Variants in PARD3 observed in about 807,000 individuals in gnomAD.
PARD3 encodes the protein par-3 family cell polarity regulator.
Under a neutral mutation model 155.4 loss-of-function variants are expected in PARD3, and 75 were observed. The observed-to-expected ratio is 0.48, with a 90% CI of 0.40 to 0.58. PARD3 has a LOEUF of 0.58. Ranked by LOEUF, PARD3 falls within the 20% of genes least tolerant of loss-of-function variation. The probability of loss-of-function intolerance (pLI) is 0.00; values close to 1 mark genes in which losing one functional copy is unlikely to be tolerated. For missense variants in PARD3, 1,642 were observed against 1,721.7 expected, an observed-to-expected ratio of 0.95 and a Z score of 0.82; for synonymous variants, 576 against 610.5, an observed-to-expected ratio of 0.94 and a Z score of 0.83.
intron 1 of PARD3, among the ~76,000 whole-genome samples, chr10:34,788,439 T>A (rs941277642): frequency 4.9e-5 from 7 of 143,922 alleles, no homozygotes; most frequent in Middle Eastern, 3.5e-3. Flanking sequence ...GGCCAAGCTC[T>A]AGGTCCAGTT....
chr10:34,151,442 C>G (rs1041896291), intron 22 of PARD3, among the ~76,000 whole-genome samples: 1 of 151,992 alleles, frequency 6.6e-6, no homozygotes, highest in African/African-American at 2.4e-5. Flanking sequence ...TATTTTACAA[C>G]AGTTGTAATA....
chr10:34,276,555 A>G (rs1218909679), intron 21 of PARD3, among the ~76,000 whole-genome samples: 1 of 152,202 alleles, frequency 6.6e-6, no homozygotes, highest in East Asian at 1.9e-4. Flanking sequence ...TTTACAATAA[A>G]TGGCTTTTAG....
chr10:34,328,387 G>A (rs1034105276), intron 19 of PARD3, among the ~76,000 whole-genome samples: 1 of 152,112 alleles, frequency 6.6e-6, no homozygotes, highest in African/African-American at 2.4e-5. Context: ...CAGTGAGGGG[G>A]TACATAGAAT....
chr10:34,234,663 A>C lies in PARD3; in HGVS notation c.3419+34994T>G, dbSNP rs529535169. ...ATGCTCTTATCATAATGTATTACAA[A>C]ATATTTATTCATTTATTTTATTTTT... On this transcript the variant is annotated intron_variant, in intron 22 of 24. Transcript: ENST00000374788. Among the ~76,000 whole-genome samples the C allele has an allele frequency of 3.3e-5, 5 of 152,250 alleles. No individual in the cohort carries two copies. In the East Asian group the frequency reaches 9.6e-4, roughly 29 times the overall value.
chr10:34,611,192 C>G (rs1334884627), intron 2 of PARD3, among the ~76,000 whole-genome samples: 1 of 152,060 alleles, frequency 6.6e-6, no homozygotes, highest in Non-Finnish European at 1.5e-5. Context: ...CTTCAGTGCT[C>G]GGATAAAGGA....
In PARD3 at chr10:34,464,372, C is replaced by T. The variant is rs573620952; in HGVS notation, c.582+5713G>A. 5.3e-5 allele frequency among the ~76,000 whole-genome samples: 8 copies of T among 152,200 alleles called. No homozygotes were observed. In the East Asian group the frequency reaches 1.5e-3, roughly 29 times the overall value. ...CACCACCCTCAAGCCTCACTCCTATCCTATTTATCTAGGACTTCTCAGAGC... is the reference window on the plus strand; with the variant it reads ...CACCACCCTCAAGCCTCACTCCTATTCTATTTATCTAGGACTTCTCAGAGC... On this transcript the variant is annotated intron_variant, in intron 4 of 24. Coordinates refer to ENST00000374788, the MANE Select transcript of PARD3 (RefSeq NM_001184785.2).
chr10:34,792,997 G>A (rs1413413356), intron 1 of PARD3, among the ~76,000 whole-genome samples: 1 of 152,204 alleles, frequency 6.6e-6, no homozygotes, highest in Non-Finnish European at 1.5e-5. Flanking sequence ...GTTGTGGGTG[G>A]AGAATCCGCA....
rs540552078 is a variant in PARD3, at chr10:34,443,977, G to A, written c.714+6340C>T. Among the ~76,000 whole-genome samples the A allele has an allele frequency of 6.6e-5, 10 of 152,228 alleles. No homozygotes were observed. The South Asian group carries it at 1.9e-3, about 28-fold the overall frequency. On this transcript the variant is annotated intron_variant, in intron 5 of 24. Coordinates refer to ENST00000374788, the MANE Select transcript of PARD3 (RefSeq NM_001184785.2). ...AAAATGACGTAGACATCGGCATTTT[G>A]TCTTCATCAACAAACATTTAAGTCA...
In PARD3 at chr10:34,272,489, G is replaced by A. The variant is rs1447629837; in HGVS notation, c.3177-2590C>T. Among the ~76,000 whole-genome samples the A allele has an allele frequency of 2.0e-5, 3 of 152,118 alleles. No homozygotes were observed. The East Asian group carries it at 5.8e-4, about 29-fold the overall frequency. On this transcript the variant is annotated intron_variant, in intron 21 of 24. Transcript: ENST00000374788. ...TCATACCTGTAATCCCAGCACTTTA[G>A]GAGGCTGATGGGGGCGTGCTGCTTG...
intron 16 of PARD3, among the ~76,000 whole-genome samples, chr10:34,341,355 A>C (rs1836810881): frequency 6.6e-6 from 1 of 152,228 alleles, no homozygotes; most frequent in African/African-American, 2.4e-5. Context: ...TAAATCATAA[A>C]GTGAAAGTGA....
intron 24 of PARD3, 108 bp downstream of exon 24, chr10:34,119,505 G>C: frequency 8.7e-7 from 1 of 1,150,232 alleles, no homozygotes; most frequent in Non-Finnish European, 1.2e-6. Flanking sequence ...GTTGCTACCA[G>C]GGGCAAGCTG....
In PARD3 at chr10:34,562,929, G is replaced by A. The variant is rs879912066; in HGVS notation, c.223-45770C>T. 4.6e-5 allele frequency among the ~76,000 whole-genome samples: 7 copies of A among 151,812 alleles called. No homozygotes were observed. In the East Asian group the frequency reaches 7.8e-4, roughly 17 times the overall value. ...TGGGACTACAGGCATGTGTCACCAC[G>A]CCTGGCTAATTTTTATATTTTGTAG... On this transcript the variant is annotated intron_variant, in intron 2 of 24. Transcript: ENST00000374788.
intron 2 of PARD3, among the ~76,000 whole-genome samples, chr10:34,575,458 A>G (rs1259685871): frequency 1.3e-5 from 2 of 152,164 alleles, no homozygotes; most frequent in Admixed American, 6.5e-5. Context: ...TTTGGCTCCT[A>G]TCTCCTATTT....
intron 3 of PARD3, among the ~76,000 whole-genome samples, chr10:34,483,504 G>A (rs1445199211): frequency 1.0e-4 from 13 of 130,422 alleles, no homozygotes; most frequent in African/African-American, 5.4e-4. Context: ...AAAAAAGAGA[G>A]AGAAAAAAAA....
chr10:34,111,541 G>A lies in PARD3; in HGVS notation c.3690C>T (p.Ser1230=), dbSNP rs767485414. 2 of 1,596,692 alleles carry A rather than the reference G, an allele frequency of 1.3e-6. No homozygotes were observed. Among genetic ancestry groups the A allele is most frequent in the Non-Finnish European group, 1.7e-6 (2 of 1,168,146 alleles). The change falls in exon 25 of 25, where the codon AGC becomes AGT. Residue 1230 remains serine (S), a synonymous_variant. Transcript: ENST00000374788. ...GCTCCCAAGAGTCCTGGGAGACCGA[G>A]CTGGCATTTTTCCTGCTTTGCCTAG... ...SLPRQSRKNA[S]SVSQDSWEQN...
At chr10:34,431,904 T>C (rs2075936128) in intron 5 of PARD3, among the ~76,000 whole-genome samples, 1 of 150,246 alleles carries the variant, frequency 6.7e-6, no homozygotes, top group Non-Finnish European at 1.5e-5. Flanking sequence ...TAGCTGGGCG[T>C]GGTGGCGGGC....
chr10:34,719,251 A>C (rs1268151549), intron 1 of PARD3, among the ~76,000 whole-genome samples: 1 of 152,254 alleles, frequency 6.6e-6, no homozygotes, highest in African/African-American at 2.4e-5. Flanking sequence ...CCTTAAAGCA[A>C]TGTAATATAC....
Position 34,331,314 on chromosome 10 carries a change from A to T in PARD3, c.2636T>A (p.Leu879Gln). ...CAACGAGCTTGACTTCTTCAGACCC[A>T]GGGAAGGACCCACATCTCTGCTGGG... ...GSPSRDVGPS[L>Q]GLKKSSSLES... Residue 879 changes from leucine (L) to glutamine (Q), a missense_variant, in exon 19 of 25, where the codon CTG becomes CAG. Leu to Gln is a moderately radical substitution (Grantham distance 113). Coordinates refer to ENST00000374788, the MANE Select transcript of PARD3 (RefSeq NM_001184785.2). The T allele has an allele frequency of 1.2e-6, 2 of 1,613,816 alleles. No individual in the cohort carries two copies. Among genetic ancestry groups the T allele is most frequent in the Non-Finnish European group, 1.7e-6 (2 of 1,179,794 alleles).
chr10:34,303,071 A>C (rs1181591323), intron 20 of PARD3, among the ~76,000 whole-genome samples: 1 of 22,364 alleles, frequency 4.5e-5, no homozygotes, highest in African/African-American at 2.5e-4. Context: ...CCAAGTTTTA[A>C]AAAAAAAAAA....
Sources: allele counts gnomAD v4.1 joint callset (sites outside exome capture counted in the v4.1 genomes callset), GRCh38; gene constraint gnomAD v4.1.1; transcripts MANE v1.5; gene names NCBI Gene and HGNC (gene_info 2026-07-23, HGNC 2026-07-21).